PIEZO1: variants seen among roughly 807,000 people sequenced by gnomAD.
The protein encoded by PIEZO1 is piezo type mechanosensitive ion channel component 1 (Er blood group), also known as piezo-type mechanosensitive ion channel component 1.
A neutral mutation model predicts 297.2 loss-of-function variants in PIEZO1; 296 were observed. That is an observed-to-expected ratio of 1.00 (90% confidence interval 0.91 to 1.10). The LOEUF is 1.10. PIEZO1 is among the 50% of genes least tolerant of loss of function. The probability of loss-of-function intolerance (pLI) is 0.00; values close to 1 mark genes in which losing one functional copy is unlikely to be tolerated. For synonymous variants in PIEZO1, 2,427 were observed against 1,507.5 expected, an observed-to-expected ratio of 1.61 and a Z score of -14.13; for missense variants, 5,018 against 3,455.5, an observed-to-expected ratio of 1.45 and a Z score of -11.34.
At chr16:88,730,333 T>G (rs1039243747) in intron 22 of PIEZO1, among the ~76,000 whole-genome samples, 6 of 147,454 alleles carry the variant, frequency 4.1e-5, no homozygotes, top group Admixed American at 1.4e-4. Flanking sequence ...AGCTCACGCC[T>G]GTAATCCCAG....
At chr16:88,749,227 G>A (rs746755272) in intron 2 of PIEZO1, among the ~76,000 whole-genome samples, 157 bp downstream of exon 2, 106 of 151,410 alleles carry the variant, frequency 7.0e-4, no homozygotes, top group Non-Finnish European at 1.2e-3. Context: ...GCGACTGAGC[G>A]AGACTCCGTC....
chr16:88,747,461 A>G (rs1906123311), intron 2 of PIEZO1, among the ~76,000 whole-genome samples: 1 of 152,260 alleles, frequency 6.6e-6, no homozygotes, highest in Non-Finnish European at 1.5e-5. Flanking sequence ...GGTTGCAGTG[A>G]GCCCAGATCG....
chr16:88,744,586 G>A (rs991176544), intron 2 of PIEZO1, among the ~76,000 whole-genome samples: 6 of 150,604 alleles, frequency 4.0e-5, no homozygotes, highest in South Asian at 2.1e-4. Flanking sequence ...TGCCCTGCAC[G>A]ACAGTCCAGG....
chr16:88,775,048 C>T (rs1907595131), intron 1 of PIEZO1, among the ~76,000 whole-genome samples: 2 of 152,194 alleles, frequency 1.3e-5, no homozygotes, highest in East Asian at 1.9e-4. Flanking sequence ...AGGGAGGCCC[C>T]GGCCCAGACA....
At chr16:88,756,055 G>C (rs1906639808) in intron 1 of PIEZO1, among the ~76,000 whole-genome samples, 1 of 152,206 alleles carries the variant, frequency 6.6e-6, no homozygotes, top group Non-Finnish European at 1.5e-5. Context: ...CAGGGTCACA[G>C]GAGTGAGCAG....
chr16:88,772,779 A>AG (rs1378407897), intron 1 of PIEZO1, among the ~76,000 whole-genome samples: 1 of 150,736 alleles, frequency 6.6e-6, no homozygotes, highest in African/African-American at 2.4e-5. Flanking sequence ...CTCTGTCAAA[A>AG]AAAAAAAAAA....
intron 44 of PIEZO1, chr16:88,717,949 G>A: frequency 2.7e-6 from 1 of 365,200 alleles, no homozygotes; most frequent in Non-Finnish European, 5.2e-6. Flanking sequence ...CAGGCCTGGT[G>A]GTGCACACCT....
rs6500493 is a variant in PIEZO1 at position 88,737,574 on chromosome 16, C to A, written c.1180G>T (p.Val394Phe). 1.3e-6 allele frequency: 2 copies of A among 1,533,394 alleles called. No individual in the cohort carries two copies. Among genetic ancestry groups the A allele is most frequent in the South Asian group, 1.2e-5 (1 of 83,992 alleles). The allele number at this position is 1,533,394 out of a possible 1,614,324, so 95.0% of individuals were successfully genotyped here. A position where few individuals can be genotyped will look rare whatever the true frequency, so the allele number is the denominator to read the frequency against. ...CGGTACTCACCAGGCCGCCGCAGGA[C>A]GGAGCTCTGGCCGGTCAGCTCGTGC... ...IVHELTGQSS[V>F]LRRPVRPKRA... is the part of the protein sequence containing the mutation. Residue 394 changes from valine to phenylalanine, a missense_variant, in exon 10 of 51, where the codon GTC (valine) becomes TTC (phenylalanine). Coordinates refer to ENST00000301015, the MANE Select transcript of PIEZO1 (RefSeq NM_001142864.4).
chr16:88,771,532 G>A (rs535166130), intron 1 of PIEZO1, among the ~76,000 whole-genome samples: 107 of 152,332 alleles, frequency 7.0e-4, no homozygotes, highest in Non-Finnish European at 1.4e-3. Flanking sequence ...CTGGGCTCAG[G>A]GGCCACACAC....
chr16:88,743,615 G>A (rs548245010), intron 2 of PIEZO1: 1 of 456,528 alleles, frequency 2.2e-6, no homozygotes, highest in African/African-American at 2.0e-5. Context: ...AATGGTGTTA[G>A]GTGACAGACT....
Position 88,738,318 on chromosome 16 carries a change from C to T in PIEZO1, c.757G>A (p.Gly253Arg), listed in dbSNP as rs142027562. ...RGFSRLCVAV[G>R]CFGAGHLICL... ...ATGAGATGGCCGGCGCCGAAGCACC[C>T]CACCGCGACGCAGAGTCTGCTGAAG... Residue 253 changes from glycine to arginine, a missense_variant, in exon 7 of 51, where the codon GGG becomes AGG. Physicochemically the swap from Gly to Arg is moderately radical, Grantham distance 125. Coordinates refer to ENST00000301015, the MANE Select transcript of PIEZO1 (RefSeq NM_001142864.4). The T allele has an allele frequency of 1.7e-4, 268 of 1,535,858 alleles. No individual in the cohort carries two copies. The highest frequency in any genetic ancestry group is 1.0e-3 in the Middle Eastern group (6 of 5,990).
Position 88,736,669 on chromosome 16 carries a change from C to T in PIEZO1, c.1266G>A (p.Gln422=), listed in dbSNP as rs904809869. 8.0e-5 allele frequency: 122 copies of T among 1,533,042 alleles called. No individual in the cohort carries two copies. The highest frequency in any genetic ancestry group is 8.9e-5 in the Non-Finnish European group (102 of 1,145,972). 95.0% of individuals were successfully genotyped at this position (1,533,042 alleles called of 1,614,324 possible). A position where few individuals can be genotyped will look rare whatever the true frequency, so the allele number is the denominator to read the frequency against. The stretch of plus-strand genomic sequence containing the variant: ...TGGCAATGAGCGCGCACACATAGCT[C>T]TGGTCCATGATGAGGTGGCCCAGGC... ...LHSLGHLIMD[Q]SYVCALIAMM... is the part of the protein sequence containing the mutation. The change falls in exon 11 of 51, where the codon CAG becomes CAA. Residue 422 remains glutamine (Q), a synonymous_variant. Transcript: ENST00000301015.
intron 2 of PIEZO1, chr16:88,742,915 G>A (rs971455238): frequency 6.2e-5 from 23 of 373,114 alleles, no homozygotes; most frequent in Non-Finnish European, 1.1e-4. Flanking sequence ...GGGGCAGGCA[G>A]CTGCCTCCCT....
At chr16:88,736,060 T>TC in intron 12 of PIEZO1, 88 bp downstream of exon 12, 1 of 1,326,780 alleles carries the variant, frequency 7.5e-7, no homozygotes, top group Non-Finnish European at 1.0e-6. Context: ...GCGCTGCCAC[T>TC]CCCCCGGGCA....
chr16:88,737,403 A>C, intron 10 of PIEZO1, 156 bp downstream of exon 10: 1 of 575,556 alleles, frequency 1.7e-6, no homozygotes, highest in Admixed American at 3.3e-5. Flanking sequence ...CTCGGGGGTC[A>C]CTGACACCGA....
intron 1 of PIEZO1, among the ~76,000 whole-genome samples, chr16:88,753,897 G>A (rs112697432): frequency 0.011 from 1,651 of 152,342 alleles, 10 homozygotes; most frequent in Admixed American, 0.021. Context: ...GGCAGAGAAG[G>A]AAGAAATTCA....
chr16:88,725,106 G>A (rs12920136), intron 29 of PIEZO1, 26 bp from the exon 30 acceptor site: 5 of 1,485,920 alleles, frequency 3.4e-6, no homozygotes, highest in Non-Finnish European at 4.5e-6. Flanking sequence ...GTGAGCATGA[G>A]GCAGCAGTCA....
intron 1 of PIEZO1, among the ~76,000 whole-genome samples, chr16:88,772,263 G>A (rs1398985810): frequency 6.6e-6 from 1 of 152,248 alleles, no homozygotes; most frequent in Non-Finnish European, 1.5e-5. Context: ...AGCTCAGAAG[G>A]AGGGCCCAGA....
intron 44 of PIEZO1, chr16:88,719,279 AG>A (rs1912258676): frequency 2.6e-6 from 1 of 377,720 alleles, no homozygotes. Context: ...CCATTAAACA[AG>A]AATGCAGCAA....
Sources: gnomAD v4.1 joint callset for allele counts (sites outside exome capture counted in the v4.1 genomes callset) on GRCh38, gnomAD v4.1.1 for gene constraint, MANE v1.5 for transcripts, NCBI Gene and HGNC (gene_info 2026-07-23, HGNC 2026-07-21) for gene names.